Variants in IL6ST observed in about 807,000 individuals in gnomAD.
The protein encoded by IL6ST is interleukin 6 cytokine family signal transducer.
A neutral mutation model predicts 91.3 loss-of-function variants in IL6ST; 24 were observed. The observed-to-expected ratio is 0.26, with a 90% CI of 0.19 to 0.37. The LOEUF (loss-of-function observed/expected upper bound fraction) is 0.37, where lower values mean the gene tolerates loss of function less well. Ranked by LOEUF, IL6ST falls within the 10% of genes least tolerant of loss-of-function variation. IL6ST has a pLI of 1.00. For synonymous variants in IL6ST, 351 were observed against 373.6 expected, an observed-to-expected ratio of 0.94 and a Z score of 0.70; for missense variants, 914 against 1,078.5, an observed-to-expected ratio of 0.85 and a Z score of 2.14.
intron 7 of IL6ST, among the ~76,000 whole-genome samples, chr5:55,962,731 C>T (rs1752394576): frequency 1.3e-5 from 2 of 152,168 alleles, no homozygotes; most frequent in Admixed American, 6.6e-5. Context: ...CCAATCCCTA[C>T]ACTAGCTACC....
chr5:55,960,652 C>T, intron 7 of IL6ST, 91 bp from the exon 8 acceptor site: 1 of 1,227,040 alleles, frequency 8.1e-7, no homozygotes, highest in Non-Finnish European at 1.1e-6. Flanking sequence ...TTTTGAGGCA[C>T]AGCCTTGCTC....
intron 1 of IL6ST, among the ~76,000 whole-genome samples, chr5:55,984,263 C>T (rs1035637542): frequency 6.6e-6 from 1 of 152,206 alleles, no homozygotes; most frequent in Non-Finnish European, 1.5e-5. Context: ...TTGCCAACCC[C>T]TGTTCTAAAT....
At position 55,960,937 on chromosome 5, in the gene IL6ST, CTATT is replaced by C. The variant is rs374172266; in HGVS notation, c.814-380_814-377del. Among the ~76,000 whole-genome samples, 151 of 152,058 alleles carry C rather than the reference CTATT, an allele frequency of 9.9e-4. 1 individual carries two copies. Among genetic ancestry groups the C allele is most frequent in the African/African-American group, 3.3e-3 (137 of 41,486 alleles). The stretch of plus-strand genomic sequence containing the variant: ...TGAGCCACTGCGCTCAGCCTAGAAA[CTATT>C]TATTTTTGAGACAGAGTCTCCCTCT... On this transcript the variant is annotated intron_variant, in intron 7 of 16. Transcript: ENST00000381298.
At chr5:55,986,374 A>AT (rs1364628612) in intron 1 of IL6ST, among the ~76,000 whole-genome samples, 1 of 152,100 alleles carries the variant, frequency 6.6e-6, no homozygotes. Context: ...ATCTACTTTG[A>AT]TATTACTATA....
Position 55,956,185 on chromosome 5 carries a change from A to T in IL6ST, c.1107T>A (p.Thr369=). Reference sequence around the variant, plus strand: ...GTAAATGTGATTTCCATCTTGTGAGAGTCACTTCATAATCCAAGATTTTTC... The same window carrying T: ...GTAAATGTGATTTCCATCTTGTGAGTGTCACTTCATAATCCAAGATTTTTC... The part of the protein sequence containing the change: ...ANGKILDYEV[T]LTRWKSHLQN... The change falls in exon 10 of 17, where the codon ACT becomes ACA. Residue 369 remains threonine, a synonymous_variant. Coordinates refer to ENST00000381298, the MANE Select transcript of IL6ST (RefSeq NM_002184.4). 1.9e-6 allele frequency: 3 copies of T among 1,612,318 alleles called. No individual in the cohort carries two copies. Among genetic ancestry groups the T allele is most frequent in the Non-Finnish European group, 2.5e-6 (3 of 1,178,352 alleles).
intron 8 of IL6ST, among the ~76,000 whole-genome samples, chr5:55,957,984 A>G (rs1379075818): frequency 6.6e-6 from 1 of 152,260 alleles, no homozygotes; most frequent in Non-Finnish European, 1.5e-5. Context: ...AAATTAAGAT[A>G]AATGTACTAA....
At chr5:55,942,894 CAA>C in intron 15 of IL6ST, 143 bp from the exon 16 acceptor site, 1 of 504,466 alleles carries the variant, frequency 2.0e-6, no homozygotes, top group Admixed American at 3.7e-5. Context: ...CTACCCCAAA[CAA>C]AAATTATTTT....
intron 8 of IL6ST, among the ~76,000 whole-genome samples, chr5:55,957,827 GA>G (rs563747930): frequency 2.0e-4 from 30 of 150,762 alleles, no homozygotes; most frequent in Non-Finnish European, 3.7e-4. Context: ...ATTTTTTAAA[GA>G]AAAAAACTTT....
intron 1 of IL6ST, among the ~76,000 whole-genome samples, chr5:55,988,969 A>T (rs528903864): frequency 3.3e-5 from 5 of 151,414 alleles, no homozygotes; most frequent in South Asian, 2.1e-4. Flanking sequence ...AAAAAATAAA[A>T]AAAAAAATCA....
intron 4 of IL6ST, among the ~76,000 whole-genome samples, chr5:55,969,288 A>G (rs1437124410): frequency 2.6e-5 from 4 of 152,112 alleles, no homozygotes; most frequent in South Asian, 4.1e-4. Flanking sequence ...GAGAATTACC[A>G]TCATTATGTC....
chr5:55,972,957 A>G (rs1475867741), intron 3 of IL6ST, among the ~76,000 whole-genome samples: 1 of 151,654 alleles, frequency 6.6e-6, no homozygotes, highest in Non-Finnish European at 1.5e-5. Context: ...GTGAGCTGAG[A>G]TTGTGCCACT....
At chr5:55,959,691 T>C in intron 8 of IL6ST, 1 of 1,232,836 alleles carries the variant, frequency 8.1e-7, no homozygotes, top group Non-Finnish European at 1.1e-6. Context: ...AAAAAATGAA[T>C]AAAAGGTATA....
At position 55,938,799 on chromosome 5, in the gene IL6ST, T is replaced by C. The variant is rs1254301216; in HGVS notation, c.*2283A>G. 2.0e-5 allele frequency: 4 copies of C among 202,780 alleles called. No homozygotes were observed. The highest frequency in any genetic ancestry group is 1.5e-4 in the East Asian group (2 of 13,160). 12.6% of individuals were successfully genotyped at this position (202,780 alleles called of 1,614,324 possible). The stretch of plus-strand genomic sequence containing the variant: ...CCTTAGGGCAGGTGTACATTACATA[T>C]TAGTGCTCAAATATATGTTCATTTC... On this transcript the variant is annotated 3_prime_UTR_variant, in exon 17 of 17. Transcript: ENST00000381298.
At chr5:55,977,489 G>A (rs1409124656) in intron 2 of IL6ST, among the ~76,000 whole-genome samples, 2 of 152,062 alleles carry the variant, frequency 1.3e-5, no homozygotes, top group Non-Finnish European at 2.9e-5. Flanking sequence ...AATCTGGGGT[G>A]ATAAAAATAC....
intron 15 of IL6ST, among the ~76,000 whole-genome samples, chr5:55,946,053 A>G (rs889369041): frequency 6.6e-6 from 1 of 152,240 alleles, no homozygotes; most frequent in Non-Finnish European, 1.5e-5. Context: ...CTTATAGCTC[A>G]ATTATAAACA....
At chr5:55,961,647 A>C (rs1752322103) in intron 7 of IL6ST, among the ~76,000 whole-genome samples, 1 of 151,968 alleles carries the variant, frequency 6.6e-6, no homozygotes. Context: ...AATCCCAGCT[A>C]CTCGGGAGTC....
At chr5:55,961,999 A>G (rs1752348838) in intron 7 of IL6ST, among the ~76,000 whole-genome samples, 1 of 152,220 alleles carries the variant, frequency 6.6e-6, no homozygotes, top group Non-Finnish European at 1.5e-5. Flanking sequence ...CCCAATCAAG[A>G]AAAACAAAAG....
rs1488091436 is a variant in IL6ST at position 55,941,176 on chromosome 5, A to T, written c.2663T>A (p.Phe888Tyr). ...CGCAGCCTCCATGCCAACTGTTTCA[A>T]ATCTTTCTACTTGTCCCTCAGTACC... is the stretch of plus-strand genomic sequence containing the variant. ...GPGTEGQVER[F>Y]ETVGMEAATD... The change falls in exon 17 of 17, where the codon TTT (phenylalanine) becomes TAT (tyrosine). Residue 888 changes from phenylalanine (F) to tyrosine (Y), a missense_variant. By Grantham distance (22) the Phe-to-Tyr change is conservative (BLOSUM62 3). Transcript: ENST00000381298. 17 of 1,614,132 alleles carry T rather than the reference A, an allele frequency of 1.1e-5. No individual in the cohort carries two copies. Among genetic ancestry groups the T allele is most frequent in the Non-Finnish European group, 1.4e-5 (16 of 1,179,982 alleles).
At chr5:55,951,763 C>T (rs1439947731) in intron 13 of IL6ST, 159 bp from the exon 14 acceptor site, 1 of 810,730 alleles carries the variant, frequency 1.2e-6, no homozygotes, top group Non-Finnish European at 1.9e-6. Context: ...TAAAGCACAA[C>T]ACAATACTTT....
Sources: gnomAD v4.1 joint callset for allele counts (sites outside exome capture counted in the v4.1 genomes callset) on GRCh38, gnomAD v4.1.1 for gene constraint, MANE v1.5 for transcripts, NCBI Gene and HGNC (gene_info 2026-07-23, HGNC 2026-07-21) for gene names.